Variants in ZNF248 observed in about 807,000 individuals in gnomAD.
The protein encoded by ZNF248 is zinc finger protein 248, also known as KRAB protein domain.
Under a neutral mutation model 44.3 loss-of-function variants are expected in ZNF248, and 20 were observed. That is an observed-to-expected ratio of 0.45 (90% CI 0.32 to 0.66). ZNF248 has a LOEUF of 0.66. Among genes scored for constraint, ZNF248 ranks in the 30% least tolerant of loss-of-function variants. The pLI is 0.04. For missense variants in ZNF248, 654 were observed against 677.0 expected (o/e 0.97, Z 0.38); for synonymous variants, 224 against 229.0 (o/e 0.98, Z 0.20).
chr10:37,763,079 T>C, the ZNF248 span, among the ~76,000 whole-genome samples: 1 of 152,168 alleles, frequency 6.6e-6, no homozygotes, highest in Non-Finnish European at 1.5e-5. Flanking sequence ...ATACTTGCCA[T>C]GGACCTATTG....
intron 6 of ZNF248, among the ~76,000 whole-genome samples, chr10:37,812,639 G>A (rs147965844): frequency 2.8e-4 from 43 of 152,178 alleles, no homozygotes; most frequent in African/African-American, 1.0e-3. Context: ...CTTTGATATT[G>A]AGCATGCCCC....
chr10:37,825,061 T>A (rs1024576756), downstream of ZNF248, among the ~76,000 whole-genome samples: 1 of 151,704 alleles, frequency 6.6e-6, no homozygotes, highest in African/African-American at 2.4e-5. Flanking sequence ...TTAAAGTATA[T>A]CTCCCAGAAA....
rs139955750 is a variant in ZNF248 at position 37,801,435 on chromosome 10, A to C, written c.331-24860T>G. 5.1e-3 allele frequency among the ~76,000 whole-genome samples: 686 copies of C among 134,598 alleles called. 8 individuals are homozygous for C. Among genetic ancestry groups the C allele is most frequent in the African/African-American group, 0.017 (664 of 40,184 alleles). The allele number at this position is 134,598 out of a possible 152,430, so 88.3% of individuals were successfully genotyped here. On this transcript the variant is annotated intron_variant, in intron 6 of 6. Transcript: ENST00000615949. ...TTTAAGATTTTAAAAAATCAATTAC[A>C]AAAAAATCAACAGATCAGCCTAGAT...
intron 5 of ZNF248, among the ~76,000 whole-genome samples, chr10:37,833,441 G>A (rs764592168): frequency 1.4e-4 from 21 of 152,232 alleles, no homozygotes; most frequent in South Asian, 4.1e-4. Context: ...AGAAAAACTC[G>A]GAGAAAATGG....
downstream of ZNF248, among the ~76,000 whole-genome samples, chr10:37,774,000 C>CA (rs1172495812): frequency 6.6e-6 from 1 of 152,084 alleles, no homozygotes; most frequent in African/African-American, 2.4e-5. Flanking sequence ...CACACACACA[C>CA]ACACACACAC....
intron 3 of ZNF248, among the ~76,000 whole-genome samples, chr10:37,854,455 C>A (rs1027236182): frequency 6.6e-6 from 1 of 152,094 alleles, no homozygotes; most frequent in Non-Finnish European, 1.5e-5. Context: ...ATATAAGACA[C>A]CCTTAGACAC....
At chr10:37,820,574 G>C in intron 6 of ZNF248, 1 of 1,600,674 alleles carries the variant, frequency 6.2e-7, no homozygotes, top group Non-Finnish European at 8.6e-7. Context: ...GCTTCCCCCA[G>C]CAAACTCAAA....
intron 6 of ZNF248, among the ~76,000 whole-genome samples, chr10:37,778,122 CA>C (rs1361505534): frequency 6.6e-5 from 10 of 152,128 alleles, no homozygotes; most frequent in African/African-American, 2.4e-4. Context: ...CTGACTTCCA[CA>C]ATGGTTGAAC....
the ZNF248 span, among the ~76,000 whole-genome samples, chr10:37,767,441 CA>C: frequency 6.6e-6 from 1 of 152,198 alleles, no homozygotes; most frequent in Non-Finnish European, 1.5e-5. Flanking sequence ...AGAAACCCTA[CA>C]AGCCAGAAGG....
downstream of ZNF248, among the ~76,000 whole-genome samples, chr10:37,827,222 G>C (rs181137373): frequency 6.6e-6 from 1 of 152,314 alleles, no homozygotes; most frequent in East Asian, 1.9e-4. Context: ...CTAGGGGTCT[G>C]AGTTGAAGAA....
Position 37,831,480 on chromosome 10 carries a change from A to G in ZNF248, c.*135T>C. 2 of 1,458,108 alleles carry G rather than the reference A, an allele frequency of 1.4e-6. No homozygotes were observed. The highest frequency in any genetic ancestry group is 9.0e-7 in the Non-Finnish European group (1 of 1,107,016). 90.3% of individuals were successfully genotyped at this position (1,458,108 alleles called of 1,614,324 possible). On this transcript the variant is annotated 3_prime_UTR_variant, in exon 6 of 6. Coordinates refer to ENST00000395867, the MANE Select transcript of ZNF248 (RefSeq NM_021045.3). Reference sequence around the variant, plus strand: ...TACAAATTTTCTAATGAAAAGTTTTAATTTTTCTTGAAAGCTTTTACATAT... The same window carrying G: ...TACAAATTTTCTAATGAAAAGTTTTGATTTTTCTTGAAAGCTTTTACATAT...
chr10:37,823,807 A>C (rs974352470), downstream of ZNF248, among the ~76,000 whole-genome samples: 4 of 151,942 alleles, frequency 2.6e-5, no homozygotes, highest in East Asian at 7.8e-4. Context: ...CTCCTGACCT[A>C]AGGTGATCCA....
the ZNF248 span, among the ~76,000 whole-genome samples, chr10:37,771,108 A>G: frequency 3.3e-5 from 5 of 152,362 alleles, no homozygotes; most frequent in South Asian, 1.0e-3. Context: ...CGATCATTAA[A>G]AAGTCAGGAA....
At chr10:37,766,173 C>A in the ZNF248 span, among the ~76,000 whole-genome samples, 3 of 152,254 alleles carry the variant, frequency 2.0e-5, no homozygotes, top group Non-Finnish European at 2.9e-5. Context: ...TAGGCTCCAC[C>A]TGTGGGGGCA....
chr10:37,775,419 CA>C (rs1288725796), downstream of ZNF248: 1 of 152,050 alleles, frequency 6.6e-6, no homozygotes, highest in African/African-American at 2.4e-5. Flanking sequence ...GAGAAGAACA[CA>C]GGGGTGGTCA....
At chr10:37,786,971 T>C (rs886419050) in intron 6 of ZNF248, among the ~76,000 whole-genome samples, 7 of 152,182 alleles carry the variant, frequency 4.6e-5, no homozygotes, top group Non-Finnish European at 7.3e-5. Context: ...GTAAAACTTA[T>C]ACTACTTGAT....
downstream of ZNF248, among the ~76,000 whole-genome samples, chr10:37,773,790 A>G (rs1328903477): frequency 1.3e-5 from 2 of 152,080 alleles, no homozygotes; most frequent in Admixed American, 6.6e-5. Flanking sequence ...TCTCATTTTA[A>G]CCTAATTATC....
chr10:37,819,093 TTC>T (rs1174518738), intron 6 of ZNF248: 4 of 788,196 alleles, frequency 5.1e-6, no homozygotes, highest in South Asian at 1.3e-5. Context: ...TCTGTAATTT[TTC>T]TCTCTCCACA....
chr10:37,759,815 C>T, the ZNF248 span, among the ~76,000 whole-genome samples: 1 of 152,180 alleles, frequency 6.6e-6, no homozygotes, highest in Admixed American at 6.5e-5. Context: ...TTGTGGCATC[C>T]TGAAGACATT....
Sources: gnomAD v4.1 joint callset for allele counts (sites outside exome capture counted in the v4.1 genomes callset) on GRCh38, gnomAD v4.1.1 for gene constraint, MANE v1.5 for transcripts, NCBI Gene and HGNC (gene_info 2026-07-23, HGNC 2026-07-21) for gene names.